DNAH17: variants seen among roughly 807,000 people sequenced by gnomAD.
The protein encoded by DNAH17 is dynein axonemal heavy chain 17.
A neutral mutation model predicts 485.6 loss-of-function variants in DNAH17; 376 were observed. That is an observed-to-expected ratio of 0.77 (90% confidence interval 0.71 to 0.84). DNAH17 has a LOEUF of 0.84. Among genes scored for constraint, DNAH17 ranks in the 40% least tolerant of loss-of-function variants. DNAH17 has a pLI of 0.00. For missense variants in DNAH17, 6,370 were observed against 5,839.3 expected (o/e 1.09, Z -2.96); for synonymous variants, 3,031 against 2,405.9 (o/e 1.26, Z -7.60).
chr17:78,548,714 T>C (rs1404888517), intron 16 of DNAH17, among the ~76,000 whole-genome samples: 4 of 152,218 alleles, frequency 2.6e-5, no homozygotes, highest in Non-Finnish European at 4.4e-5. Context: ...ACAGGAATTG[T>C]TGATTCCAGG....
intron 17 of DNAH17, among the ~76,000 whole-genome samples, chr17:78,541,508 G>A (rs1467800624): frequency 6.6e-6 from 1 of 151,862 alleles, no homozygotes; most frequent in African/African-American, 2.4e-5. Flanking sequence ...ATTCTAATAA[G>A]GGAGAGAAGA....
chr17:78,469,148 TTC>T (rs1171833993), intron 54 of DNAH17, among the ~76,000 whole-genome samples: 23 of 140,986 alleles, frequency 1.6e-4, no homozygotes, highest in African/African-American at 7.2e-4. Context: ...TTCTGTCTTT[TTC>T]TTTTTTTTTG....
rs1372520894 is a variant in DNAH17 at position 78,482,244 on chromosome 17, T to C, written c.7650-1458A>G. ...AGTTTTTGTAGAGACAGGGTCTCAC[T>C]ATATGACCTGGGTTCAAGTGATCCT... On this transcript the variant is annotated intron_variant, in intron 48 of 80. Transcript: ENST00000389840. 2.0e-5 allele frequency among the ~76,000 whole-genome samples: 3 copies of C among 152,112 alleles called. No homozygotes were observed. In the East Asian group the frequency reaches 5.8e-4, roughly 29 times the overall value.
intron 15 of DNAH17, 92 bp downstream of exon 15, chr17:78,552,605 G>C: frequency 2.4e-6 from 2 of 845,246 alleles, no homozygotes; most frequent in Non-Finnish European, 4.0e-6. Flanking sequence ...CCAGGAGGCA[G>C]AAGTGACCAC....
intron 31 of DNAH17, among the ~76,000 whole-genome samples, chr17:78,504,894 C>CTTTTTTTT (rs66596656): frequency 1.0e-4 from 6 of 58,970 alleles, no homozygotes; most frequent in African/African-American, 3.5e-4. Flanking sequence ...ATTAACAGGG[C>CTTTTTTTT]TTTTTTTTTT....
intron 16 of DNAH17, among the ~76,000 whole-genome samples, chr17:78,546,397 T>C (rs2091765032): frequency 1.3e-5 from 2 of 152,174 alleles, no homozygotes. Flanking sequence ...TTAAATACTT[T>C]ATATATACTG....
intron 75 of DNAH17, 53 bp from the exon 76 acceptor site, chr17:78,429,353 C>A: frequency 1.9e-6 from 3 of 1,569,374 alleles, no homozygotes; most frequent in Non-Finnish European, 2.6e-6. Flanking sequence ...CCCTTCTCTG[C>A]CATGAGAGGG....
chr17:78,466,609 G>C (rs1489647358), intron 56 of DNAH17, 46 bp downstream of exon 56: 10 of 1,543,348 alleles, frequency 6.5e-6, no homozygotes, highest in Non-Finnish European at 7.0e-6. Flanking sequence ...GCCTGTCCTT[G>C]TCCTCTGGGC....
intron 25 of DNAH17, among the ~76,000 whole-genome samples, chr17:78,519,417 CCAAAG>C (rs1389383830): frequency 6.6e-6 from 1 of 151,796 alleles, no homozygotes; most frequent in Non-Finnish European, 1.5e-5. Flanking sequence ...CAAGATAAAC[CCAAAG>C]CAAAGGAAGG....
chr17:78,444,262 G>A (rs376549928), intron 71 of DNAH17, among the ~76,000 whole-genome samples: 4 of 152,112 alleles, frequency 2.6e-5, no homozygotes, highest in African/African-American at 4.8e-5. Context: ...AGGCTCATGT[G>A]GGGAGTCTTT....
At chr17:78,569,292 A>T in intron 8 of DNAH17, 40 bp from the exon 9 acceptor site, 1 of 1,597,300 alleles carries the variant, frequency 6.3e-7, no homozygotes, top group Non-Finnish European at 8.5e-7. Flanking sequence ...CGTTTGCTTC[A>T]AATGTCCCAA....
intron 17 of DNAH17, among the ~76,000 whole-genome samples, chr17:78,543,542 G>A (rs930023783): frequency 3.3e-5 from 5 of 150,574 alleles, no homozygotes; most frequent in African/African-American, 7.3e-5. Flanking sequence ...CACCCGCCTC[G>A]GCCTCCCAAA....
At chr17:78,425,756 CTTTTTTTTTTTTTT>C (rs71160294) in intron 79 of DNAH17, among the ~76,000 whole-genome samples, 185 bp from the exon 80 acceptor site, 23 of 120,746 alleles carry the variant, frequency 1.9e-4, no homozygotes, top group Admixed American at 4.9e-4. Context: ...TTGGTGTCTG[CTTTTTTTTTTTTTT>C]TTTTTTTTTT....
At chr17:78,536,214 T>C (rs1483425963) in intron 19 of DNAH17, among the ~76,000 whole-genome samples, 1 of 151,638 alleles carries the variant, frequency 6.6e-6, no homozygotes, top group African/African-American at 2.4e-5. Context: ...CCAAGGCGGG[T>C]GGATCACAAG....
rs373002018 is a variant in DNAH17 at position 78,481,227 on chromosome 17, C to T, written c.7650-441G>A. On this transcript the variant is annotated intron_variant, in intron 48 of 80. Coordinates refer to ENST00000389840, the MANE Select transcript of DNAH17 (RefSeq NM_173628.4). ...GCCCCATTCTCCTGCCTCAGCCTCC[C>T]GAGTAGCTGAGACTACAGGTGCCCG... Among the ~76,000 whole-genome samples, 20 of 151,526 alleles carry T rather than the reference C, an allele frequency of 1.3e-4. No homozygotes were observed. In the South Asian group the frequency reaches 1.5e-3, roughly 11 times the overall value.
At chr17:78,576,304 T>C (rs2092431880) in intron 1 of DNAH17, among the ~76,000 whole-genome samples, 1 of 151,876 alleles carries the variant, frequency 6.6e-6, no homozygotes. Flanking sequence ...TGGGAAGCAG[T>C]AGTGGATAGC....
chr17:78,534,125 C>CCACT (rs2143344601), intron 19 of DNAH17, among the ~76,000 whole-genome samples: 1 of 152,372 alleles, frequency 6.6e-6, no homozygotes, highest in African/African-American at 2.4e-5. Flanking sequence ...CGACCCTCAA[C>CCACT]CACTCCCCTT....
At chr17:78,530,565 C>T (rs947905571) in intron 20 of DNAH17, 53 bp from the exon 21 acceptor site, 7 of 1,558,782 alleles carry the variant, frequency 4.5e-6, no homozygotes, top group South Asian at 1.2e-5. Flanking sequence ...CTAGGGGGGG[C>T]GTCAGCACAG....
chr17:78,514,697 G>C, intron 26 of DNAH17, 77 bp downstream of exon 26: 1 of 1,532,456 alleles, frequency 6.5e-7, no homozygotes. Flanking sequence ...CCTTGGCTAG[G>C]CAGCTCAGGC....
Sources: allele counts gnomAD v4.1 joint callset (sites outside exome capture counted in the v4.1 genomes callset), GRCh38; gene constraint gnomAD v4.1.1; transcripts MANE v1.5; gene names NCBI Gene and HGNC (gene_info 2026-07-23, HGNC 2026-07-21).